The following NR6A1 variants were observed in gnomAD, a reference collection of about 807,000 sequenced individuals.
The protein encoded by NR6A1 is nuclear receptor subfamily 6 group A member 1, also known as retinoic acid receptor-related testis-associated receptor.
A neutral mutation model predicts 59.1 loss-of-function variants in NR6A1; 7 were observed. That is an observed-to-expected ratio of 0.12 (90% CI 0.07 to 0.22). The LOEUF is 0.22. NR6A1 is among the 10% of genes least tolerant of loss of function. The pLI is 1.00. For synonymous variants in NR6A1, 243 were observed against 236.1 expected, an observed-to-expected ratio of 1.03 and a Z score of -0.27; for missense variants, 468 against 611.6, an observed-to-expected ratio of 0.77 and a Z score of 2.48.
chr9:124,539,670 G>T (rs187312292), intron 5 of NR6A1, among the ~76,000 whole-genome samples: 224 of 152,290 alleles, frequency 1.5e-3, no homozygotes, highest in African/African-American at 5.2e-3. Flanking sequence ...CTCTTGTGAG[G>T]CAGAGAAATT....
Position 124,771,050 on chromosome 9 carries a change from G to T in NR6A1, c.70C>A (p.Pro24Thr). 2 of 1,230,770 alleles carry T rather than the reference G, an allele frequency of 1.6e-6. No individual in the cohort carries two copies. Among genetic ancestry groups the T allele is most frequent in the Non-Finnish European group, 2.0e-6 (2 of 987,354 alleles). The allele number at this position is 1,230,770 out of a possible 1,614,324, so 76.2% of individuals were successfully genotyped here. A position where few individuals can be genotyped will look rare whatever the true frequency, so the allele number is the denominator to read the frequency against. Reference protein sequence around the residue: ...GGGSAGFLEPPAALPPPPRNG... With the variant: ...GGGSAGFLEPTAALPPPPRNG... Reference sequence around the variant, plus strand: ...CGCGGCGGCGGAGGGAGCGCGGCGGGAGGCTCCAGGAACCCCGCCGAGCCC... The same window carrying T: ...CGCGGCGGCGGAGGGAGCGCGGCGGTAGGCTCCAGGAACCCCGCCGAGCCC... The change falls in exon 1 of 10, where the codon CCC (proline) becomes ACC (threonine). Residue 24 changes from proline to threonine, a missense_variant. Pro to Thr is a conservative substitution (Grantham distance 38). This residue lies in a region of NR6A1 where 75 missense variants were observed against 65.6 expected (regional missense o/e 1.14). Coordinates refer to ENST00000487099, the MANE Select transcript of NR6A1 (RefSeq NM_033334.4).
At chr9:124,627,252 C>A (rs1208018542) in intron 2 of NR6A1, among the ~76,000 whole-genome samples, 1 of 152,158 alleles carries the variant, frequency 6.6e-6, no homozygotes, top group Non-Finnish European at 1.5e-5. Context: ...GAGATCAGAA[C>A]CCAGATGATT....
chr9:124,619,989 A>G (rs759489391), intron 2 of NR6A1, among the ~76,000 whole-genome samples: 19 of 152,190 alleles, frequency 1.2e-4, no homozygotes, highest in Non-Finnish European at 2.1e-4. Context: ...TGAACTTGGG[A>G]GGCAGAGGTT....
chr9:124,535,309 G>A (rs530682358), intron 7 of NR6A1, among the ~76,000 whole-genome samples: 2 of 152,292 alleles, frequency 1.3e-5, no homozygotes, highest in East Asian at 3.9e-4. Flanking sequence ...TGGGTGCAGT[G>A]GCTCACACCT....
chr9:124,611,681 C>T (rs112768095), intron 2 of NR6A1, among the ~76,000 whole-genome samples: 86 of 149,690 alleles, frequency 5.7e-4, no homozygotes, highest in African/African-American at 2.0e-3. Context: ...CCTAGGAGGT[C>T]GAGGCTCCAG....
intron 2 of NR6A1, among the ~76,000 whole-genome samples, chr9:124,710,327 C>T (rs1038944281): frequency 6.6e-6 from 1 of 152,176 alleles, no homozygotes; most frequent in African/African-American, 2.4e-5. Flanking sequence ...GTCAACAGAA[C>T]TGACCACATG....
chr9:124,716,743 T>C (rs1343790741), intron 2 of NR6A1, among the ~76,000 whole-genome samples: 2 of 152,214 alleles, frequency 1.3e-5, no homozygotes, highest in East Asian at 3.8e-4. Context: ...GCAATTCTTG[T>C]GCCACAGCCT....
chr9:124,628,226 C>A (rs1443801964), intron 2 of NR6A1, among the ~76,000 whole-genome samples: 1 of 152,120 alleles, frequency 6.6e-6, no homozygotes, highest in Non-Finnish European at 1.5e-5. Context: ...CGGGGTTTAA[C>A]CACGTTGGCC....
chr9:124,531,418 T>C (rs1013794401), intron 7 of NR6A1, among the ~76,000 whole-genome samples: 10 of 152,228 alleles, frequency 6.6e-5, no homozygotes, highest in Admixed American at 5.9e-4. Context: ...ATGTATCATC[T>C]GGGAAAAGCC....
intron 2 of NR6A1, among the ~76,000 whole-genome samples, chr9:124,727,288 T>C (rs1437327307): frequency 1.3e-5 from 2 of 152,224 alleles, no homozygotes; most frequent in African/African-American, 2.4e-5. Flanking sequence ...TAGTTACATT[T>C]AGGATGGCCT....
intron 1 of NR6A1, among the ~76,000 whole-genome samples, chr9:124,751,226 T>A (rs1264860920): frequency 6.6e-6 from 1 of 152,214 alleles, no homozygotes; most frequent in Non-Finnish European, 1.5e-5. Flanking sequence ...CACACCCAAG[T>A]ACTAATTAGG....
chr9:124,546,083 C>G (rs1415742591), intron 3 of NR6A1, among the ~76,000 whole-genome samples: 2 of 152,184 alleles, frequency 1.3e-5, no homozygotes, highest in African/African-American at 2.4e-5. Context: ...CTATTGCACT[C>G]CAGCCTGGGC....
chr9:124,652,545 CG>C (rs1258332382), intron 2 of NR6A1, among the ~76,000 whole-genome samples: 1 of 152,156 alleles, frequency 6.6e-6, no homozygotes, highest in Non-Finnish European at 1.5e-5. Flanking sequence ...CAGACAACAA[CG>C]GGAATTAATT....
chr9:124,708,847 T>C (rs938267255), intron 2 of NR6A1, among the ~76,000 whole-genome samples: 5 of 152,182 alleles, frequency 3.3e-5, no homozygotes, highest in African/African-American at 9.7e-5. Flanking sequence ...TTGGTCACTA[T>C]GATTAAGCCC....
chr9:124,683,958 C>G (rs965732105), intron 2 of NR6A1, among the ~76,000 whole-genome samples: 1 of 152,182 alleles, frequency 6.6e-6, no homozygotes, highest in African/African-American at 2.4e-5. Context: ...AGTCTCACAA[C>G]TGCCAATCAA....
At chr9:124,627,882 CTTT>C (rs59874800) in intron 2 of NR6A1, among the ~76,000 whole-genome samples, 26,707 of 82,198 alleles carry the variant, frequency 0.32, 2,084 homozygotes, top group Non-Finnish European at 0.37. Context: ...CTGAGATTTT[CTTT>C]TTTTTTTTTT....
chr9:124,741,559 A>G (rs1168409212), intron 1 of NR6A1, among the ~76,000 whole-genome samples: 1 of 152,252 alleles, frequency 6.6e-6, no homozygotes, highest in African/African-American at 2.4e-5. Context: ...ACTTAATGCC[A>G]CTAAGTTGTA....
At chr9:124,673,083 AGGCC>A (rs1837844427) in intron 2 of NR6A1, among the ~76,000 whole-genome samples, 1 of 152,208 alleles carries the variant, frequency 6.6e-6, no homozygotes, top group Non-Finnish European at 1.5e-5. Flanking sequence ...GCACTTTGAG[AGGCC>A]AAGGCTAGCG....
chr9:124,581,709 A>T (rs1295906774), intron 2 of NR6A1, among the ~76,000 whole-genome samples: 7 of 152,240 alleles, frequency 4.6e-5, no homozygotes, highest in African/African-American at 1.7e-4. Context: ...AGAATCTACA[A>T]GGAATTTAAT....
Sources: allele counts gnomAD v4.1 joint callset (sites outside exome capture counted in the v4.1 genomes callset), GRCh38; gene constraint gnomAD v4.1.1; regional missense constraint gnomAD v4.1.1; transcripts MANE v1.5; gene names NCBI Gene and HGNC (gene_info 2026-07-23, HGNC 2026-07-21).